Variants in NLGN1 observed in about 807,000 individuals in gnomAD.
NLGN1 encodes neuroligin-1.
In NLGN1, 12 loss-of-function variants were observed where a neutral mutation model predicts 65.5. That is an observed-to-expected ratio of 0.18 (90% CI 0.12 to 0.30). The LOEUF (loss-of-function observed/expected upper bound fraction) is 0.30, where lower values mean the gene tolerates loss of function less well. Among genes scored for constraint, NLGN1 ranks in the 10% least tolerant of loss-of-function variants. NLGN1 has a pLI of 1.00. For synonymous variants in NLGN1, 350 were observed against 359.5 expected, an observed-to-expected ratio of 0.97 and a Z score of 0.30; for missense variants, 750 against 1,007.1, an observed-to-expected ratio of 0.74 and a Z score of 3.46.
At chr3:173,427,397 A>G (rs1350701714) in intron 1 of NLGN1, among the ~76,000 whole-genome samples, 5 of 151,816 alleles carry the variant, frequency 3.3e-5, no homozygotes, top group Non-Finnish European at 5.9e-5. Context: ...TTAGATGCAT[A>G]GTTAGGTTGA....
chr3:173,837,986 T>TTAA (rs1560468763), intron 4 of NLGN1, among the ~76,000 whole-genome samples: 1 of 152,198 alleles, frequency 6.6e-6, no homozygotes, highest in African/African-American at 2.4e-5. Flanking sequence ...AATGGCACAC[T>TTAA]TAAAGCTGAA....
chr3:173,891,586 C>A (rs1322351372), intron 4 of NLGN1, among the ~76,000 whole-genome samples: 1 of 152,140 alleles, frequency 6.6e-6, no homozygotes, highest in Non-Finnish European at 1.5e-5. Flanking sequence ...GCTGAGCCAT[C>A]CACAAACCTT....
At chr3:174,094,561 T>A (rs947143490) in intron 4 of NLGN1, among the ~76,000 whole-genome samples, 7 of 151,878 alleles carry the variant, frequency 4.6e-5, no homozygotes, top group African/African-American at 1.4e-4. Flanking sequence ...ATTCAGACGT[T>A]ATCATTACAA....
intron 2 of NLGN1, among the ~76,000 whole-genome samples, chr3:173,592,237 T>C (rs1046150986): frequency 3.9e-5 from 6 of 152,178 alleles, no homozygotes; most frequent in African/African-American, 9.7e-5. Flanking sequence ...GTAAAACTTA[T>C]ATAGTTAATG....
chr3:173,808,931 T>A (rs1301182319), intron 4 of NLGN1, among the ~76,000 whole-genome samples: 5 of 152,176 alleles, frequency 3.3e-5, no homozygotes, highest in Non-Finnish European at 1.5e-5. Context: ...GTAATCATAA[T>A]TCTGTGTTTA....
chr3:174,167,974 TTC>T (rs1266292228), intron 4 of NLGN1, among the ~76,000 whole-genome samples: 2 of 152,102 alleles, frequency 1.3e-5, no homozygotes, highest in African/African-American at 2.4e-5. Context: ...AAATTATTTT[TTC>T]TGTTTTTTTT....
intron 4 of NLGN1, among the ~76,000 whole-genome samples, chr3:174,154,038 C>T (rs1724885862): frequency 6.6e-6 from 1 of 152,028 alleles, no homozygotes; most frequent in African/African-American, 2.4e-5. Context: ...AACTGTGATT[C>T]ACTTCCATAT....
chr3:174,112,826 G>A (rs1451955471), intron 4 of NLGN1, among the ~76,000 whole-genome samples: 1 of 151,542 alleles, frequency 6.6e-6, no homozygotes, highest in Non-Finnish European at 1.5e-5. Flanking sequence ...AATTTGACAC[G>A]GTGATTAGTA....
intron 4 of NLGN1, among the ~76,000 whole-genome samples, chr3:174,222,892 A>C (rs1350706895): frequency 6.6e-6 from 1 of 152,156 alleles, no homozygotes; most frequent in Non-Finnish European, 1.5e-5. Context: ...TGTTTGTTTG[A>C]AAATATAACT....
chr3:173,461,759 C>CA (rs1283186303), intron 2 of NLGN1, among the ~76,000 whole-genome samples: 12 of 151,834 alleles, frequency 7.9e-5, no homozygotes, highest in Non-Finnish European at 1.8e-4. Context: ...TAACATTCTA[C>CA]AAAAAAAATC....
At chr3:174,270,887 T>C (rs1749270689) in intron 4 of NLGN1, among the ~76,000 whole-genome samples, 1 of 151,822 alleles carries the variant, frequency 6.6e-6, no homozygotes, top group Admixed American at 6.6e-5. Flanking sequence ...ATGTTTAAGA[T>C]GCAAAGTCCT....
At chr3:173,418,163 G>A (rs937939479) in intron 1 of NLGN1, among the ~76,000 whole-genome samples, 1 of 147,208 alleles carries the variant, frequency 6.8e-6, no homozygotes, top group Non-Finnish European at 1.5e-5. Context: ...ATATTAATAT[G>A]TGAAATATTA....
At chr3:173,708,810 A>G (rs1191479786) in intron 3 of NLGN1, among the ~76,000 whole-genome samples, 3 of 152,214 alleles carry the variant, frequency 2.0e-5, no homozygotes, top group Admixed American at 2.0e-4. Context: ...CAATTAAATA[A>G]TGGCTGAAAT....
chr3:173,974,762 A>G (rs1265075410), intron 4 of NLGN1, among the ~76,000 whole-genome samples: 1 of 152,046 alleles, frequency 6.6e-6, no homozygotes, highest in Non-Finnish European at 1.5e-5. Context: ...TTCCTACAGC[A>G]GGCCCTATTT....
intron 3 of NLGN1, among the ~76,000 whole-genome samples, chr3:173,712,132 G>T (rs1478780634): frequency 6.6e-6 from 1 of 152,050 alleles, no homozygotes; most frequent in Admixed American, 6.6e-5. Flanking sequence ...TAATGTATGG[G>T]GTATGTAATA....
intron 4 of NLGN1, among the ~76,000 whole-genome samples, chr3:173,875,221 A>T (rs1474508290): frequency 6.6e-6 from 1 of 152,184 alleles, no homozygotes; most frequent in African/African-American, 2.4e-5. Context: ...GTGAGTCAGT[A>T]TAAAAACTGA....
At position 173,826,711 on chromosome 3, in the gene NLGN1, A is replaced by C. The variant is rs1054309361; in HGVS notation, c.646+18879A>C. ...GGGGATACAAAGAGGAGTGAGATGCAGTGCTTCTGACCTGAAGGAGCTTAC... is the reference window on the plus strand; with the variant it reads ...GGGGATACAAAGAGGAGTGAGATGCCGTGCTTCTGACCTGAAGGAGCTTAC... On this transcript the variant is annotated intron_variant, in intron 4 of 6. Transcript: ENST00000457714. 2.6e-5 allele frequency among the ~76,000 whole-genome samples: 4 copies of C among 152,216 alleles called. No individual in the cohort carries two copies. In the East Asian group the frequency reaches 7.7e-4, roughly 29 times the overall value.
At chr3:174,033,024 A>G (rs893740085) in intron 4 of NLGN1, among the ~76,000 whole-genome samples, 1 of 151,968 alleles carries the variant, frequency 6.6e-6, no homozygotes, top group African/African-American at 2.4e-5. Flanking sequence ...ATCTATATCT[A>G]TGTCTATATA....
intron 4 of NLGN1, among the ~76,000 whole-genome samples, chr3:173,935,727 A>G (rs1419244583): frequency 6.6e-6 from 1 of 151,886 alleles, no homozygotes; most frequent in African/African-American, 2.4e-5. Flanking sequence ...GATTTTGGAT[A>G]GACTAGTGTG....
Sources: gnomAD v4.1 joint callset for allele counts (sites outside exome capture counted in the v4.1 genomes callset) on GRCh38, gnomAD v4.1.1 for gene constraint, MANE v1.5 for transcripts, NCBI Gene and HGNC (gene_info 2026-07-23, HGNC 2026-07-21) for gene names.